The following SPAG9 variants were observed in gnomAD, a reference collection of about 807,000 sequenced individuals.
SPAG9 encodes the protein C-Jun-amino-terminal kinase-interacting protein 4.
Under a neutral mutation model 166.5 loss-of-function variants are expected in SPAG9, and 35 were observed. The observed-to-expected ratio is 0.21, with a 90% CI of 0.16 to 0.28. SPAG9 has a LOEUF of 0.28. SPAG9 is among the 10% of genes least tolerant of loss of function. SPAG9 has a pLI of 1.00. For synonymous variants in SPAG9, 534 were observed against 565.5 expected, an observed-to-expected ratio of 0.94 and a Z score of 0.79; for missense variants, 1,235 against 1,603.3, an observed-to-expected ratio of 0.77 and a Z score of 3.92.
intron 21 of SPAG9, among the ~76,000 whole-genome samples, chr17:50,988,549 T>C (rs1975258951): frequency 6.6e-6 from 1 of 152,154 alleles, no homozygotes; most frequent in Admixed American, 6.5e-5. Flanking sequence ...ACAAACAGTT[T>C]TCTTTGGTTT....
At chr17:51,062,169 G>C (rs1205155154) in intron 2 of SPAG9, among the ~76,000 whole-genome samples, 2 of 152,040 alleles carry the variant, frequency 1.3e-5, no homozygotes, top group African/African-American at 4.8e-5. Context: ...TGAAAGTACA[G>C]AGAATTTCCA....
intron 1 of SPAG9, among the ~76,000 whole-genome samples, chr17:51,115,968 G>C (rs1431896146): frequency 1.3e-5 from 2 of 152,126 alleles, no homozygotes; most frequent in Non-Finnish European, 2.9e-5. Context: ...TAACATAAAA[G>C]ACCCACAGAA....
At chr17:51,002,535 C>T (rs1054967339) in intron 12 of SPAG9, among the ~76,000 whole-genome samples, 2 of 152,068 alleles carry the variant, frequency 1.3e-5, no homozygotes, top group Non-Finnish European at 2.9e-5. Context: ...GTAGTCGCGG[C>T]ACTTTGGGAG....
Position 50,996,699 on chromosome 17 carries a change from A to G in SPAG9, c.1839-5T>C. 1 of 1,613,856 alleles carries G rather than the reference A, an allele frequency of 6.2e-7. No homozygotes were observed. The highest frequency in any genetic ancestry group is 8.5e-7 in the Non-Finnish European group (1 of 1,179,868). On this transcript the variant is annotated splice_polypyrimidine_tract_variant and splice_region_variant and intron_variant, in intron 15 of 29. Coordinates refer to ENST00000262013, the MANE Select transcript of SPAG9 (RefSeq NM_001130528.3). ...GAGGCTAAACTAGCTTCAGTTCTAA[A>G]AGGAAAAAAGATTTTCCTAATTACA...
intron 1 of SPAG9, among the ~76,000 whole-genome samples, chr17:51,095,859 T>C (rs1481833046): frequency 6.9e-6 from 1 of 144,812 alleles, no homozygotes; most frequent in African/African-American, 2.5e-5. Context: ...TATATAGTGA[T>C]ATATATATAG....
At chr17:51,078,387 C>T (rs1392419652) in intron 2 of SPAG9, among the ~76,000 whole-genome samples, 1 of 152,182 alleles carries the variant, frequency 6.6e-6, no homozygotes, top group Non-Finnish European at 1.5e-5. Flanking sequence ...AGAGAACAGT[C>T]AGTTCTCACA....
At chr17:51,079,997 T>C (rs1364240610) in intron 1 of SPAG9, among the ~76,000 whole-genome samples, 2 of 152,200 alleles carry the variant, frequency 1.3e-5, no homozygotes, top group Non-Finnish European at 2.9e-5. Context: ...ATATGCATCT[T>C]GACTTCCAGA....
intron 9 of SPAG9, among the ~76,000 whole-genome samples, chr17:51,012,004 C>T (rs1237301491): frequency 3.9e-5 from 6 of 152,160 alleles, no homozygotes; most frequent in African/African-American, 1.2e-4. Flanking sequence ...TGAGGTAACA[C>T]AGTGTACAAA....
intron 29 of SPAG9, among the ~76,000 whole-genome samples, chr17:50,969,743 A>G (rs913624847): frequency 1.1e-4 from 16 of 152,106 alleles, no homozygotes; most frequent in African/African-American, 3.9e-4. Flanking sequence ...CGGAGTGCCA[A>G]CCCCTGGTCC....
rs1350104584 is a variant in SPAG9, at chr17:51,120,671, G to A, written c.-15C>T. On this transcript the variant is annotated 5_prime_UTR_variant, in exon 1 of 30. Transcript: ENST00000262013. This position sits in a 1 kb window ranked among gnomAD's most constrained non-coding sequence, Gnocchi z 4.7. ...TCCAGCTCCATGGTGGCAAGCGGAC[G>A]GGCGGGCGGCCCGGGGCGTCGCCGG... 1.3e-6 allele frequency: 2 copies of A among 1,561,300 alleles called. No homozygotes were observed. The highest frequency in any genetic ancestry group is 1.4e-5 in the African/African-American group (1 of 73,386).
At chr17:51,032,107 T>C (rs2046405934) in intron 5 of SPAG9, among the ~76,000 whole-genome samples, 1 of 152,214 alleles carries the variant, frequency 6.6e-6, no homozygotes, top group Non-Finnish European at 1.5e-5. Flanking sequence ...CCTTCTATCA[T>C]TTCTGAATTA....
rs766687747 is a variant in SPAG9 at position 51,120,425 on chromosome 17, G to A, written c.232C>T (p.Leu78=). ...DQEHQVELEL[L]RDDNEQLITQ... is the part of the protein sequence containing the mutation. ...ATGAGCTGCTCGTTGTCGTCCCGCA[G>A]CAGCTCCAGCTCCACCTGGTGCTCC... Residue 78 remains leucine (L), a synonymous_variant, in exon 1 of 30, where the codon CTG becomes TTG. Transcript: ENST00000262013. The surrounding 1 kb of genome is among the most constrained non-coding windows in gnomAD (Gnocchi z 4.7). 9.9e-6 allele frequency: 16 copies of A among 1,613,120 alleles called. No individual in the cohort carries two copies. Among genetic ancestry groups the A allele is most frequent in the South Asian group, 2.2e-5 (2 of 90,952 alleles).
chr17:50,994,211 G>A (rs1975873595), intron 18 of SPAG9, among the ~76,000 whole-genome samples: 1 of 152,132 alleles, frequency 6.6e-6, no homozygotes, highest in Non-Finnish European at 1.5e-5. Flanking sequence ...TCGTGATAGT[G>A]AATAAGTCTC....
At position 50,993,854 on chromosome 17, in the gene SPAG9, CT is replaced by C; in HGVS notation, c.2307del (p.Val770PhefsTer13). 1 of 1,614,152 alleles carries C rather than the reference CT, an allele frequency of 6.2e-7. No individual in the cohort carries two copies. Among genetic ancestry groups the C allele is most frequent in the Non-Finnish European group, 8.5e-7 (1 of 1,180,022 alleles). ...GGTTGAACAGCATCAATAATAAGAACTTTTGTAGCCGAATGAGTGCTGGTAC... is the reference window on the plus strand; with the variant it reads ...GGTTGAACAGCATCAATAATAAGAACTTTGTAGCCGAATGAGTGCTGGTAC... Reference protein sequence around the residue: ...WICTSTHSATKVLIIDAVQPG... With the variant: ...WICTSTHSATXVLIIDAVQPG... On this transcript the variant is annotated frameshift_variant, in exon 19 of 30. Coordinates refer to ENST00000262013, the MANE Select transcript of SPAG9 (RefSeq NM_001130528.3). LOFTEE classifies it high-confidence loss of function.
chr17:51,086,262 G>C (rs982442458), intron 1 of SPAG9, among the ~76,000 whole-genome samples: 15 of 151,806 alleles, frequency 9.9e-5, no homozygotes, highest in African/African-American at 3.6e-4. Flanking sequence ...TTACAGGTGT[G>C]AGCCACCACA....
At chr17:51,026,971 C>T (rs936494277) in intron 6 of SPAG9, among the ~76,000 whole-genome samples, 2 of 152,050 alleles carry the variant, frequency 1.3e-5, no homozygotes, top group Admixed American at 6.6e-5. Flanking sequence ...CCACTGCGCC[C>T]GGCCGGGAAA....
At position 50,995,100 on chromosome 17, in the gene SPAG9, C is replaced by A; in HGVS notation, c.2183G>T (p.Ser728Ile). Residue 728 changes from serine (S) to isoleucine (I), a missense_variant, in exon 18 of 30, where the codon AGT (serine) becomes ATT (isoleucine). By Grantham distance (142) the Ser-to-Ile change is moderately radical. Around this residue, in one of 6 missense-constraint regions of SPAG9, gnomAD observed 493 missense variants for 559.4 expected, o/e 0.88. Coordinates refer to ENST00000262013, the MANE Select transcript of SPAG9 (RefSeq NM_001130528.3). ...CTTATCTAAACTACTCTGAGAGGCA[C>A]TTCGCTGTTTACTGCCTTCTGTATC... ...GLDTEGSKQR[S>I]ASQSSLDKLD... 6.2e-7 allele frequency: 1 copy of A among 1,614,020 alleles called. No individual in the cohort carries two copies. The highest frequency in any genetic ancestry group is 8.5e-7 in the Non-Finnish European group (1 of 1,179,952).
chr17:51,062,642 GT>G (rs1452858512), intron 2 of SPAG9, among the ~76,000 whole-genome samples: 1 of 152,140 alleles, frequency 6.6e-6, no homozygotes, highest in Non-Finnish European at 1.5e-5. Context: ...CCAGGCTGGA[GT>G]GTAGTGGCAT....
chr17:51,061,970 GT>G (rs2047531486), intron 2 of SPAG9, among the ~76,000 whole-genome samples: 1 of 151,872 alleles, frequency 6.6e-6, no homozygotes, highest in African/African-American at 2.4e-5. Flanking sequence ...AGGTGAAATG[GT>G]TATATTTACT....
Sources: gnomAD v4.1 joint callset for allele counts (sites outside exome capture counted in the v4.1 genomes callset) on GRCh38, gnomAD v4.1.1 for gene constraint, gnomAD v4.1.1 regional missense constraint, Gnocchi (gnomAD v3.1) non-coding constraint, MANE v1.5 for transcripts, NCBI Gene and HGNC (gene_info 2026-07-23, HGNC 2026-07-21) for gene names.